The following PSD2 variants were observed in gnomAD, a reference collection of about 807,000 sequenced individuals.
The protein encoded by PSD2 is pleckstrin and Sec7 domain containing 2, also known as PH and SEC7 domain-containing protein 2.
In PSD2, 38 loss-of-function variants were observed where a neutral mutation model predicts 69.8. That is an observed-to-expected ratio of 0.54 (90% CI 0.42 to 0.71). The LOEUF (loss-of-function observed/expected upper bound fraction) is 0.71, where lower values mean the gene tolerates loss of function less well. PSD2 is among the 30% of genes least tolerant of loss of function. PSD2 has a pLI of 0.00. For synonymous variants in PSD2, 412 were observed against 423.0 expected (o/e 0.97, Z 0.32); for missense variants, 943 against 1,014.5 (o/e 0.93, Z 0.96).
In PSD2 at chr5:139,809,641, C is replaced by T; in HGVS notation, c.201C>T (p.Ala67=). The change falls in exon 2 of 15, where the codon GCC becomes GCT. Residue 67 remains alanine, a synonymous_variant. Coordinates refer to ENST00000274710, the MANE Select transcript of PSD2 (RefSeq NM_032289.4). ...AACCCACGAAGGACCCAGATGTGGC[C>T]TTCCATGGCCTCAGCCTTGGCCTCT... is the stretch of plus-strand genomic sequence containing the variant. The part of the protein sequence containing the change: ...TEEPTKDPDV[A]FHGLSLGLSL... 3.7e-6 allele frequency: 6 copies of T among 1,614,286 alleles called. No homozygotes were observed. The highest frequency in any genetic ancestry group is 5.1e-6 in the Non-Finnish European group (6 of 1,180,048).
chr5:139,805,457 G>A (rs1371738896), intron 1 of PSD2, among the ~76,000 whole-genome samples: 1 of 152,164 alleles, frequency 6.6e-6, no homozygotes, highest in Non-Finnish European at 1.5e-5. Context: ...GCATTGCACT[G>A]GACTCTGGGG....
At chr5:139,769,207 G>A in the PSD2 span, among the ~76,000 whole-genome samples, 1 of 152,064 alleles carries the variant, frequency 6.6e-6, no homozygotes, top group African/African-American at 2.4e-5. Flanking sequence ...TCCAGGCAAA[G>A]GGAAGAACAG....
At chr5:139,783,787 C>T in the PSD2 span, among the ~76,000 whole-genome samples, 33,571 of 151,656 alleles carry the variant, frequency 0.22, 4,426 homozygotes, top group African/African-American at 0.36. Context: ...TTGATTTCAT[C>T]GGCAGCTTCT....
At chr5:139,821,444 T>G (rs1760258333) in intron 5 of PSD2, among the ~76,000 whole-genome samples, 2 of 151,130 alleles carry the variant, frequency 1.3e-5, no homozygotes, top group African/African-American at 4.9e-5. Flanking sequence ...AGGGGAGGAG[T>G]TGAGGGGCCA....
the PSD2 span, among the ~76,000 whole-genome samples, chr5:139,764,517 G>T: frequency 6.6e-6 from 1 of 152,190 alleles, no homozygotes; most frequent in East Asian, 1.9e-4. Context: ...CCCGCCGAGC[G>T]CCTGCCTGGC....
chr5:139,839,949 C>A lies in PSD2; in HGVS notation c.1969-78C>A. On this transcript the variant is annotated intron_variant, in intron 13 of 14. Coordinates refer to ENST00000274710, the MANE Select transcript of PSD2 (RefSeq NM_032289.4). The surrounding 1 kb of genome is among the most constrained non-coding windows in gnomAD (Gnocchi z 5.1). ...CCTTCATTTCCCTTTGGTGGAGCAG[C>A]TCCTGGTAGAACAGGATTTGAGCCA... is the stretch of plus-strand genomic sequence containing the variant. 6.6e-7 allele frequency: 1 copy of A among 1,520,288 alleles called. No homozygotes were observed. Among genetic ancestry groups the A allele is most frequent in the Non-Finnish European group, 9.1e-7 (1 of 1,104,574 alleles). 94.2% of individuals were successfully genotyped at this position (1,520,288 alleles called of 1,614,324 possible).
At chr5:139,755,345 T>C in the PSD2 span, among the ~76,000 whole-genome samples, 1 of 152,116 alleles carries the variant, frequency 6.6e-6, no homozygotes. Flanking sequence ...CCAGAGACGC[T>C]AGTGGGGAGG....
intron 5 of PSD2, among the ~76,000 whole-genome samples, chr5:139,818,177 G>C (rs1053808466): frequency 1.3e-5 from 2 of 152,184 alleles, no homozygotes; most frequent in African/African-American, 2.4e-5. Flanking sequence ...ATGCATCTCA[G>C]AGCTAAGGGG....
chr5:139,761,840 C>T, the PSD2 span, among the ~76,000 whole-genome samples: 2 of 152,134 alleles, frequency 1.3e-5, no homozygotes, highest in Non-Finnish European at 2.9e-5. Context: ...TGGCTGTCTG[C>T]AGCCCTCACC....
chr5:139,821,529 G>A (rs1760260137), intron 5 of PSD2, among the ~76,000 whole-genome samples: 1 of 152,224 alleles, frequency 6.6e-6, no homozygotes, highest in South Asian at 2.1e-4. Context: ...TGAAGGGCAG[G>A]CAGGGACAGG....
At chr5:139,812,396 G>C (rs1487378710) in intron 2 of PSD2, among the ~76,000 whole-genome samples, 1 of 152,202 alleles carries the variant, frequency 6.6e-6, no homozygotes, top group Admixed American at 6.5e-5. Context: ...TTGGGGGACA[G>C]CACAGGGTCC....
In PSD2 at chr5:139,843,570, C is replaced by T. The variant is rs1191913314; in HGVS notation, c.*1096C>T. On this transcript the variant is annotated 3_prime_UTR_variant, in exon 15 of 15. Coordinates refer to ENST00000274710, the MANE Select transcript of PSD2 (RefSeq NM_032289.4). ...TGTCTCGCAAATGGCTGCTTGTCAA[C>T]AAGCCCAAAGATGCTTGTCGGAGGA... The T allele has an allele frequency of 6.6e-6, 1 of 152,246 alleles. No homozygotes were observed. The highest frequency in any genetic ancestry group is 1.9e-4 in the East Asian group (1 of 5,204). 9.4% of individuals were successfully genotyped at this position (152,246 alleles called of 1,614,324 possible). A position where few individuals can be genotyped will look rare whatever the true frequency, so the allele number is the denominator to read the frequency against.
At chr5:139,833,246 C>T (rs550556993) in intron 7 of PSD2, among the ~76,000 whole-genome samples, 2 of 152,248 alleles carry the variant, frequency 1.3e-5, no homozygotes, top group African/African-American at 4.8e-5. Context: ...GTTTCAGACA[C>T]ACTTGGCCTT....
chr5:139,815,207 A>C (rs1330026837), intron 4 of PSD2, among the ~76,000 whole-genome samples: 1 of 146,524 alleles, frequency 6.8e-6, no homozygotes, highest in Non-Finnish European at 1.5e-5. Flanking sequence ...TTCTCCCTCC[A>C]CCCTCCTCAG....
chr5:139,814,417 A>G lies in PSD2; in HGVS notation c.1016+53A>G. 11 of 1,503,970 alleles carry G rather than the reference A, an allele frequency of 7.3e-6. No individual in the cohort carries two copies. The highest frequency in any genetic ancestry group is 8.9e-6 in the Non-Finnish European group (10 of 1,121,470). The allele number at this position is 1,503,970 out of a possible 1,614,324, so 93.2% of individuals were successfully genotyped here. On this transcript the variant is annotated intron_variant, in intron 4 of 14. Coordinates refer to ENST00000274710, the MANE Select transcript of PSD2 (RefSeq NM_032289.4). This position sits in a 1 kb window ranked among gnomAD's most constrained non-coding sequence, Gnocchi z 4.4. ...CCTGGGCAAACCTCGTGTCTTCCTC[A>G]ACCTGAAGAGGGTGTGGGTGACCTT...
At chr5:139,808,539 C>A (rs1164922092) in intron 1 of PSD2, among the ~76,000 whole-genome samples, 2 of 152,184 alleles carry the variant, frequency 1.3e-5, no homozygotes, top group Admixed American at 6.5e-5. Context: ...TTGGGCAGAG[C>A]AGGGCCTGAC....
the PSD2 span, among the ~76,000 whole-genome samples, chr5:139,787,501 A>G: frequency 6.6e-6 from 1 of 152,246 alleles, no homozygotes; most frequent in Non-Finnish European, 1.5e-5. Flanking sequence ...CGTGGCAAGA[A>G]CTCAGCATGA....
intron 7 of PSD2, among the ~76,000 whole-genome samples, chr5:139,822,992 G>C (rs1027834793): frequency 6.6e-6 from 1 of 152,152 alleles, no homozygotes; most frequent in African/African-American, 2.4e-5. Flanking sequence ...GTATGCCAGT[G>C]AGAGCAGCTG....
the PSD2 span, among the ~76,000 whole-genome samples, chr5:139,748,955 C>T: frequency 6.6e-6 from 1 of 152,058 alleles, no homozygotes; most frequent in African/African-American, 2.4e-5. Context: ...CCCTGCGGAT[C>T]CTCGGGACTT....
Sources: gnomAD v4.1 joint callset for allele counts (sites outside exome capture counted in the v4.1 genomes callset) on GRCh38, gnomAD v4.1.1 for gene constraint, Gnocchi (gnomAD v3.1) non-coding constraint, MANE v1.5 for transcripts, NCBI Gene and HGNC (gene_info 2026-07-23, HGNC 2026-07-21) for gene names.